Variants in LRRC41 observed in about 807,000 individuals in gnomAD.
LRRC41 encodes leucine rich repeat containing 41.
In LRRC41, 17 loss-of-function variants were observed where a neutral mutation model predicts 72.1. The observed-to-expected ratio is 0.24, with a 90% confidence interval of 0.16 to 0.35. LRRC41 has a LOEUF of 0.35. Among genes scored for constraint, LRRC41 ranks in the 10% least tolerant of loss-of-function variants. LRRC41 has a pLI of 1.00. For synonymous variants in LRRC41, 427 were observed against 431.0 expected (o/e 0.99, Z 0.11); for missense variants, 759 against 1,065.0 (o/e 0.71, Z 4.00).
At chr1:46,296,871 T>G (rs538337078) in intron 3 of LRRC41, 7 of 152,360 alleles carry the variant, frequency 4.6e-5, no homozygotes, top group South Asian at 4.1e-4. Flanking sequence ...AGAACAAGTC[T>G]ATTAATCCCT....
intron 5 of LRRC41, 94 bp downstream of exon 5, chr1:46,281,031 G>A (rs2148312565): frequency 6.6e-7 from 1 of 1,517,038 alleles, no homozygotes; most frequent in Non-Finnish European, 9.0e-7. Flanking sequence ...AGTGATAGAA[G>A]AGGTCCTTCC....
intron 5 of LRRC41, among the ~76,000 whole-genome samples, 155 bp from the exon 6 acceptor site, chr1:46,280,715 A>G (rs1042639228): frequency 9.8e-5 from 15 of 152,340 alleles, no homozygotes; most frequent in Non-Finnish European, 1.9e-4. Flanking sequence ...GCTAGATTCT[A>G]GGAATTGAGC....
At chr1:46,297,299 C>T in intron 3 of LRRC41, 1 of 391,394 alleles carries the variant, frequency 2.6e-6, no homozygotes, top group South Asian at 3.8e-5. Flanking sequence ...CCAACACCAT[C>T]AAGAACTCTA....
chr1:46,285,110 A>T lies in LRRC41; in HGVS notation c.1495+252T>A. ...TGCCTTCCATATCTAAAATGTATTC[A>T]TTCTTCAGATTCCAGCTGGCTTGTC... On this transcript the variant is annotated intron_variant, in intron 4 of 9. Transcript: ENST00000617190. This position sits in a 1 kb window ranked among gnomAD's most constrained non-coding sequence, Gnocchi z 5.3. 1.9e-6 allele frequency: 1 copy of T among 539,552 alleles called. No individual in the cohort carries two copies. The highest frequency in any genetic ancestry group is 3.4e-6 in the Non-Finnish European group (1 of 297,346). The allele number at this position is 539,552 out of a possible 1,614,324, so 33.4% of individuals were successfully genotyped here. A position where few individuals can be genotyped will look rare whatever the true frequency, so the allele number is the denominator to read the frequency against.
chr1:46,294,841 C>T (rs1046965226), intron 3 of LRRC41, among the ~76,000 whole-genome samples: 2 of 152,048 alleles, frequency 1.3e-5, no homozygotes, highest in Non-Finnish European at 1.5e-5. Context: ...GATCCACCCG[C>T]GTTGGCCTCT....
Position 46,285,653 on chromosome 1 carries a change from T to C in LRRC41, c.1204A>G (p.Thr402Ala). ...GACTCTGCACCAGGCCCCTGACGGG[T>C]GCGAGCACCCTTCTTCCCTGCAGCT... ...KRAAGKKGAR[T>A]RQGPGAESED... The change falls in exon 4 of 10, where the codon ACC becomes GCC. Residue 402 changes from threonine to alanine, a missense_variant. Coordinates refer to ENST00000617190, the MANE Select transcript of LRRC41 (RefSeq NM_006369.5). This position sits in a 1 kb window ranked among gnomAD's most constrained non-coding sequence, Gnocchi z 5.3. The C allele has an allele frequency of 6.2e-7, 1 of 1,613,926 alleles. No individual in the cohort carries two copies. The highest frequency in any genetic ancestry group is 8.5e-7 in the Non-Finnish European group (1 of 1,179,980).
chr1:46,294,334 G>GT (rs1339923220), intron 3 of LRRC41, among the ~76,000 whole-genome samples: 8 of 150,824 alleles, frequency 5.3e-5, no homozygotes, highest in Non-Finnish European at 1.0e-4. Flanking sequence ...TCTCAAACTC[G>GT]TAAGCTCAAG....
Position 46,302,641 on chromosome 1 carries a change from G to A in LRRC41, c.199+483C>T. Reference sequence around the variant, plus strand: ...CTCGACCCCCGTGGCGTGTCAGGCAGATGCTGGAGCCCCGGGGCCATCAGT... The same window carrying A: ...CTCGACCCCCGTGGCGTGTCAGGCAAATGCTGGAGCCCCGGGGCCATCAGT... On this transcript the variant is annotated intron_variant, in intron 1 of 9. Transcript: ENST00000617190. This position sits in a 1 kb window ranked among gnomAD's most constrained non-coding sequence, Gnocchi z 4.7. The A allele has an allele frequency of 1.0e-6, 1 of 985,392 alleles. No individual in the cohort carries two copies. The highest frequency in any genetic ancestry group is 1.2e-6 in the Non-Finnish European group (1 of 829,912). 61.0% of individuals were successfully genotyped at this position (985,392 alleles called of 1,614,324 possible).
In LRRC41 at chr1:46,277,976, G is replaced by A; in HGVS notation, c.*889C>T. 1 of 1,614,146 alleles carries A rather than the reference G, an allele frequency of 6.2e-7. No homozygotes were observed. The highest frequency in any genetic ancestry group is 8.5e-7 in the Non-Finnish European group (1 of 1,180,034). ...TGAAGCTAGCCTCAGTGACACACATGACAGGTGGGGAAGTGCCCTAACCAT... is the reference window on the plus strand; with the variant it reads ...TGAAGCTAGCCTCAGTGACACACATAACAGGTGGGGAAGTGCCCTAACCAT... On this transcript the variant is annotated 3_prime_UTR_variant, in exon 10 of 10. Coordinates refer to ENST00000617190, the MANE Select transcript of LRRC41 (RefSeq NM_006369.5).
chr1:46,301,890 T>A, intron 1 of LRRC41: 2 of 898,836 alleles, frequency 2.2e-6, no homozygotes, highest in Non-Finnish European at 2.7e-6. Context: ...AACCCCGGCC[T>A]CCCGACCCCA....
rs1336904922 is a variant in LRRC41 at position 46,279,936 on chromosome 1, C to T, written c.2020+256G>A. On this transcript the variant is annotated intron_variant, in intron 7 of 9. Transcript: ENST00000617190. The surrounding 1 kb of genome is among the most constrained non-coding windows in gnomAD (Gnocchi z 4.5). ...GCCTGGCACAGTACATTTATTTTGC[C>T]CCACCACCACCATTTTGTCCACCTC... Among the ~76,000 whole-genome samples, 1 of 152,136 alleles carries T rather than the reference C, an allele frequency of 6.6e-6. No individual in the cohort carries two copies. The highest frequency in any genetic ancestry group is 6.6e-5 in the Admixed American group (1 of 15,266).
In LRRC41 at chr1:46,303,385, GT is replaced by G. The variant is rs1661291357; in HGVS notation, c.-64del. 1 of 1,401,026 alleles carries G rather than the reference GT, an allele frequency of 7.1e-7. No homozygotes were observed. The highest frequency in any genetic ancestry group is 1.5e-5 in the African/African-American group (1 of 68,374). 86.8% of individuals were successfully genotyped at this position (1,401,026 alleles called of 1,614,324 possible). On this transcript the variant is annotated 5_prime_UTR_variant, in exon 1 of 10. An upstream open reading frame in the 5' UTR loses its in-frame stop. Coordinates refer to ENST00000617190, the MANE Select transcript of LRRC41 (RefSeq NM_006369.5). ...GACCGCCATCTTGAAAAGGTCAGCAGTTAGGACGGCTCCATAAGCGATATGG... is the reference window on the plus strand; with the variant it reads ...GACCGCCATCTTGAAAAGGTCAGCAGTAGGACGGCTCCATAAGCGATATGG...
intron 3 of LRRC41, chr1:46,297,338 T>A: frequency 4.4e-6 from 2 of 457,496 alleles, no homozygotes; most frequent in Non-Finnish European, 4.0e-6. Context: ...TCCATTGTGA[T>A]CACTAACTTT....
chr1:46,302,619 G>T lies in LRRC41; in HGVS notation c.199+505C>A. 1.0e-6 allele frequency: 1 copy of T among 985,088 alleles called. No homozygotes were observed. The highest frequency in any genetic ancestry group is 1.2e-6 in the Non-Finnish European group (1 of 829,864). 61.0% of individuals were successfully genotyped at this position (985,088 alleles called of 1,614,324 possible). ...CCATCGGCTTGGCCTCCGGAATCTC[G>T]ACCCCCGTGGCGTGTCAGGCAGATG... On this transcript the variant is annotated intron_variant, in intron 1 of 9. Coordinates refer to ENST00000617190, the MANE Select transcript of LRRC41 (RefSeq NM_006369.5). This position sits in a 1 kb window ranked among gnomAD's most constrained non-coding sequence, Gnocchi z 4.7.
chr1:46,281,319 C>A lies in LRRC41; in HGVS notation c.1562G>T (p.Arg521Leu). 6.2e-7 allele frequency: 1 copy of A among 1,614,140 alleles called. No individual in the cohort carries two copies. Among genetic ancestry groups the A allele is most frequent in the Non-Finnish European group, 8.5e-7 (1 of 1,180,008 alleles). ...LRALSGQAGC[R>L]LRALHLSDLF... ...GTCACTGAGATGCAGGGCACGGAGG[C>A]GACATCCAGCCTGGCCTGACAGGGC... Residue 521 changes from arginine to leucine, a missense_variant, in exon 5 of 10, where the codon CGC becomes CTC. Arg to Leu is a moderately radical substitution (Grantham distance 102). Transcript: ENST00000617190.
At chr1:46,297,028 T>C (rs1661139129) in intron 3 of LRRC41, 1 of 152,282 alleles carries the variant, frequency 6.6e-6, no homozygotes, top group South Asian at 2.1e-4. Context: ...AGCCTGACCA[T>C]TGCAGAGCTA....
chr1:46,294,264 C>G (rs147606793), intron 3 of LRRC41, among the ~76,000 whole-genome samples: 1 of 151,956 alleles, frequency 6.6e-6, no homozygotes, highest in Admixed American at 6.6e-5. Context: ...CACAACACCA[C>G]AACAGGATAA....
At chr1:46,280,057 A>T in intron 7 of LRRC41, 135 bp downstream of exon 7, 1 of 680,964 alleles carries the variant, frequency 1.5e-6, no homozygotes, top group South Asian at 1.9e-5. Context: ...TTAGAAGGAA[A>T]ATCATGCAGG....
chr1:46,279,743 A>C lies in LRRC41; in HGVS notation c.2021-129T>G. On this transcript the variant is annotated intron_variant, in intron 7 of 9. Transcript: ENST00000617190. The surrounding 1 kb of genome is among the most constrained non-coding windows in gnomAD (Gnocchi z 4.5). ...CAAAAAGAGGAAGGAATTTGTCTAGACTCCAAGCAAGGCTGGAACTAAATC... is the reference window on the plus strand; with the variant it reads ...CAAAAAGAGGAAGGAATTTGTCTAGCCTCCAAGCAAGGCTGGAACTAAATC... 1 of 1,087,736 alleles carries C rather than the reference A, an allele frequency of 9.2e-7. No individual in the cohort carries two copies. Among genetic ancestry groups the C allele is most frequent in the Non-Finnish European group, 1.3e-6 (1 of 744,878 alleles). The allele number at this position is 1,087,736 out of a possible 1,614,324, so 67.4% of individuals were successfully genotyped here.
Sources: gnomAD v4.1 joint callset for allele counts (sites outside exome capture counted in the v4.1 genomes callset) on GRCh38, gnomAD v4.1.1 for gene constraint, Gnocchi (gnomAD v3.1) non-coding constraint, MANE v1.5 for transcripts, NCBI Gene and HGNC (gene_info 2026-07-23, HGNC 2026-07-21) for gene names.